SMARCC1: variants seen among roughly 807,000 people sequenced by gnomAD.
SMARCC1 encodes the protein SWI/SNF complex subunit SMARCC1.
SMARCC1 carries 43 observed loss-of-function variants against 147.4 expected under a neutral mutation model. The observed-to-expected ratio is 0.29, with a 90% confidence interval of 0.23 to 0.38. The LOEUF (loss-of-function observed/expected upper bound fraction) is 0.38, where lower values mean the gene tolerates loss of function less well. Among genes scored for constraint, SMARCC1 ranks in the 10% least tolerant of loss-of-function variants. The pLI, the probability that SMARCC1 is intolerant of heterozygous loss-of-function variation, is 1.00. For synonymous variants in SMARCC1, 495 were observed against 484.4 expected (o/e 1.02, Z -0.29); for missense variants, 1,119 against 1,381.1 (o/e 0.81, Z 3.01).
intron 4 of SMARCC1, 54 bp from the exon 5 acceptor site, chr3:47,736,180 T>C: frequency 3.0e-6 from 3 of 1,012,508 alleles, no homozygotes; most frequent in South Asian, 1.5e-5. Flanking sequence ...AATAATATCA[T>C]ATTATTTATG....
chr3:47,662,058 G>C (rs527273741), intron 20 of SMARCC1, among the ~76,000 whole-genome samples: 64 of 150,868 alleles, frequency 4.2e-4, no homozygotes, highest in Admixed American at 2.5e-3. Flanking sequence ...GCAGTGGCAC[G>C]ATCTCGGCTC....
At chr3:47,771,206 G>A (rs1024523375) in intron 2 of SMARCC1, among the ~76,000 whole-genome samples, 1 of 152,090 alleles carries the variant, frequency 6.6e-6, no homozygotes, top group South Asian at 2.1e-4. Context: ...ACGACGCCCC[G>A]CCTATTATTT....
At chr3:47,628,453 T>C (rs1284895371) in intron 24 of SMARCC1, among the ~76,000 whole-genome samples, 1 of 152,228 alleles carries the variant, frequency 6.6e-6, no homozygotes, top group Non-Finnish European at 1.5e-5. Context: ...TTTGTTCTCA[T>C]AACATCTTAA....
intron 2 of SMARCC1, among the ~76,000 whole-genome samples, chr3:47,767,342 G>A (rs550068872): frequency 9.0e-4 from 132 of 147,174 alleles, no homozygotes; most frequent in African/African-American, 3.2e-3. Context: ...CCGGGTTCAA[G>A]TGATTCTCCT....
chr3:47,705,042 T>C (rs1269922015), intron 10 of SMARCC1, among the ~76,000 whole-genome samples: 2 of 146,846 alleles, frequency 1.4e-5, no homozygotes, highest in South Asian at 2.2e-4. Flanking sequence ...AAGGAATGTA[T>C]GCCAGGCACA....
At chr3:47,664,272 G>C (rs1230030530) in intron 19 of SMARCC1, among the ~76,000 whole-genome samples, 1 of 150,934 alleles carries the variant, frequency 6.6e-6, no homozygotes, top group Non-Finnish European at 1.5e-5. Context: ...CAACAGACTA[G>C]AATGAGTAAA....
At chr3:47,628,100 T>A (rs1464527034) in intron 24 of SMARCC1, among the ~76,000 whole-genome samples, 1 of 152,046 alleles carries the variant, frequency 6.6e-6, no homozygotes, top group African/African-American at 2.4e-5. Context: ...TAAGTTAAAG[T>A]TTTCATCAAA....
At chr3:47,627,470 G>C (rs1224106074) in intron 24 of SMARCC1, among the ~76,000 whole-genome samples, 1 of 152,092 alleles carries the variant, frequency 6.6e-6, no homozygotes, top group East Asian at 1.9e-4. Flanking sequence ...GCAGAATTTA[G>C]AGGAAATATG....
intron 2 of SMARCC1, among the ~76,000 whole-genome samples, chr3:47,755,231 G>A (rs963641480): frequency 2.0e-5 from 3 of 151,836 alleles, no homozygotes; most frequent in African/African-American, 7.3e-5. Flanking sequence ...GGGCGGGCAC[G>A]GTGGCTCATG....
intron 22 of SMARCC1, 141 bp downstream of exon 22, chr3:47,638,584 A>G (rs1173843840): frequency 4.4e-6 from 3 of 679,048 alleles, no homozygotes; most frequent in Non-Finnish European, 8.0e-6. Context: ...TCCTGTGAGA[A>G]CTATACCTTA....
intron 5 of SMARCC1, among the ~76,000 whole-genome samples, chr3:47,733,111 A>AAAACAAAT (rs1049784372): frequency 6.6e-6 from 1 of 152,204 alleles, no homozygotes; most frequent in Non-Finnish European, 1.5e-5. Context: ...ATCTCAAAAA[A>AAAACAAAT]AAACAAATAA....
At chr3:47,595,068 A>C (rs946587719) in intron 26 of SMARCC1, among the ~76,000 whole-genome samples, 1 of 151,972 alleles carries the variant, frequency 6.6e-6, no homozygotes, top group Non-Finnish European at 1.5e-5. Flanking sequence ...CTGGAGAGTC[A>C]CCGGTTCTGT....
intron 19 of SMARCC1, among the ~76,000 whole-genome samples, chr3:47,669,747 G>T (rs1197941127): frequency 6.6e-6 from 1 of 152,106 alleles, no homozygotes; most frequent in African/African-American, 2.4e-5. Context: ...ATACAAAAAA[G>T]AAATGGAAAT....
At chr3:47,636,441 T>C (rs886819573) in intron 22 of SMARCC1, among the ~76,000 whole-genome samples, 1 of 152,188 alleles carries the variant, frequency 6.6e-6, no homozygotes, top group African/African-American at 2.4e-5. Flanking sequence ...AATTAACTGA[T>C]ATTTTTGTTG....
Position 47,706,411 on chromosome 3 carries a change from T to C in SMARCC1, c.1038A>G (p.Lys346=). 1.3e-6 allele frequency: 2 copies of C among 1,565,134 alleles called. No individual in the cohort carries two copies. Among genetic ancestry groups the C allele is most frequent in the Middle Eastern group, 1.7e-4 (1 of 5,854 alleles). The part of the protein sequence containing the change: ...PTESRKKSGK[K]GQASLYGKRR... ...TTGAATCATGTAATAGTTCTTACCC[T>C]TTCTTCCCACTCTTCTTCCGTGATT... Residue 346 remains lysine (K), a splice_region_variant and synonymous_variant, in exon 10 of 28, where the codon AAA becomes AAG. Coordinates refer to ENST00000254480, the MANE Select transcript of SMARCC1 (RefSeq NM_003074.4).
intron 26 of SMARCC1, among the ~76,000 whole-genome samples, chr3:47,595,569 A>C (rs2032261553): frequency 6.7e-6 from 1 of 149,958 alleles, no homozygotes; most frequent in Non-Finnish European, 1.5e-5. Context: ...TAAAATAAAC[A>C]CACAGCCAAG....
chr3:47,681,716 T>C (rs894725474), intron 14 of SMARCC1, among the ~76,000 whole-genome samples: 2 of 152,170 alleles, frequency 1.3e-5, no homozygotes, highest in Admixed American at 6.5e-5. Context: ...TAGGGTCAAA[T>C]ACTATAAATA....
intron 2 of SMARCC1, among the ~76,000 whole-genome samples, chr3:47,748,442 T>C (rs760165781): frequency 1.3e-5 from 2 of 152,150 alleles, no homozygotes; most frequent in Non-Finnish European, 2.9e-5. Context: ...CAAGCTGATA[T>C]GAAACTCTTG....
intron 5 of SMARCC1, among the ~76,000 whole-genome samples, chr3:47,732,849 C>T (rs1277189173): frequency 6.6e-6 from 1 of 152,092 alleles, no homozygotes; most frequent in African/African-American, 2.4e-5. Context: ...GTGGCTCACA[C>T]CTGTAATCCC....
Sources: gnomAD v4.1 joint callset for allele counts (sites outside exome capture counted in the v4.1 genomes callset) on GRCh38, gnomAD v4.1.1 for gene constraint, MANE v1.5 for transcripts, NCBI Gene and HGNC (gene_info 2026-07-23, HGNC 2026-07-21) for gene names.